Variants in CCSER1 observed in about 807,000 individuals in gnomAD.
CCSER1 encodes the protein serine-rich coiled-coil domain-containing protein 1.
CCSER1 carries 41 observed loss-of-function variants against 82.0 expected under a neutral mutation model. The observed-to-expected ratio is 0.50, with a 90% CI of 0.39 to 0.65. The LOEUF (loss-of-function observed/expected upper bound fraction) is 0.65. CCSER1 is among the 30% of genes least tolerant of loss of function. CCSER1 has a pLI of 0.00. For missense variants in CCSER1, 1,119 were observed against 1,064.2 expected (o/e 1.05, Z -0.72); for synonymous variants, 414 against 383.9 (o/e 1.08, Z -0.92).
At chr4:90,390,959 A>T (rs1750897132) in intron 3 of CCSER1, among the ~76,000 whole-genome samples, 1 of 151,764 alleles carries the variant, frequency 6.6e-6, no homozygotes, top group Admixed American at 6.6e-5. Flanking sequence ...TTGTTTTTTG[A>T]CTTTTTAATA....
At chr4:91,043,381 T>G (rs951101697) in intron 9 of CCSER1, among the ~76,000 whole-genome samples, 1 of 151,972 alleles carries the variant, frequency 6.6e-6, no homozygotes. Flanking sequence ...ATAATACAAA[T>G]TAAGCAGAAT....
intron 10 of CCSER1, among the ~76,000 whole-genome samples, chr4:91,331,027 T>C (rs1221881572): frequency 6.6e-6 from 1 of 152,082 alleles, no homozygotes; most frequent in African/African-American, 2.4e-5. Flanking sequence ...GGAAAAACCA[T>C]AGTGTGTGTA....
In CCSER1 at chr4:91,011,948, C is replaced by T. The variant is rs918332028; in HGVS notation, c.2173-74002C>T. The stretch of plus-strand genomic sequence containing the variant: ...GAGGTGGGTGTTTCTGCAGCTTAGA[C>T]TCTAGGGAGATAATACAGCTCCAGG... On this transcript the variant is annotated intron_variant, in intron 9 of 10. Transcript: ENST00000509176. Among the ~76,000 whole-genome samples the T allele has an allele frequency of 1.5e-5, 2 of 134,906 alleles. 1 individual carries two copies. Among genetic ancestry groups the T allele is most frequent in the Non-Finnish European group, 3.5e-5 (2 of 57,940 alleles). 88.5% of individuals were successfully genotyped at this position (134,906 alleles called of 152,430 possible).
At chr4:90,393,187 C>T (rs1751459345) in intron 3 of CCSER1, among the ~76,000 whole-genome samples, 1 of 152,106 alleles carries the variant, frequency 6.6e-6, no homozygotes, top group Non-Finnish European at 1.5e-5. Context: ...AGGACACTTA[C>T]CTAATTAGTT....
chr4:90,837,249 T>C (rs1270803778), intron 8 of CCSER1, among the ~76,000 whole-genome samples: 1 of 152,168 alleles, frequency 6.6e-6, no homozygotes, highest in East Asian at 1.9e-4. Flanking sequence ...TAAGTATATA[T>C]CTTTTTAACA....
intron 10 of CCSER1, among the ~76,000 whole-genome samples, chr4:91,574,086 A>G (rs1763322889): frequency 6.6e-6 from 1 of 152,108 alleles, no homozygotes; most frequent in South Asian, 2.1e-4. Context: ...CCTACTACCC[A>G]AAGTGATCTA....
intron 10 of CCSER1, among the ~76,000 whole-genome samples, chr4:91,385,041 ATTTGTGCATTTATC>A (rs1751193662): frequency 6.6e-6 from 1 of 152,060 alleles, no homozygotes; most frequent in African/African-American, 2.4e-5. Flanking sequence ...AAGAAAAACT[ATTTGTGCATTTATC>A]TTTGACTCCA....
At chr4:91,381,706 G>T (rs1219068952) in intron 10 of CCSER1, among the ~76,000 whole-genome samples, 1 of 152,120 alleles carries the variant, frequency 6.6e-6, no homozygotes, top group Non-Finnish European at 1.5e-5. Flanking sequence ...CCTTTGCTCG[G>T]AGAAGTTTGA....
At chr4:91,144,848 T>TA (rs1186396103) in intron 10 of CCSER1, among the ~76,000 whole-genome samples, 7 of 152,094 alleles carry the variant, frequency 4.6e-5, no homozygotes, top group Admixed American at 4.6e-4. Flanking sequence ...TTTTGATTTT[T>TA]AAAAAATTTG....
At chr4:91,587,158 G>T (rs1020629068) in intron 10 of CCSER1, among the ~76,000 whole-genome samples, 1 of 151,668 alleles carries the variant, frequency 6.6e-6, no homozygotes. Flanking sequence ...ATTTCTTAGA[G>T]AATTCATTTG....
At chr4:91,498,707 G>A (rs1759058195) in intron 10 of CCSER1, among the ~76,000 whole-genome samples, 1 of 151,534 alleles carries the variant, frequency 6.6e-6, no homozygotes, top group Non-Finnish European at 1.5e-5. Context: ...ATGGCACATG[G>A]CACACTATCC....
At chr4:90,714,639 C>A (rs988861480) in intron 6 of CCSER1, among the ~76,000 whole-genome samples, 1 of 151,836 alleles carries the variant, frequency 6.6e-6, no homozygotes, top group Non-Finnish European at 1.5e-5. Context: ...TATATAGCAC[C>A]TTGGGGGAAT....
At chr4:90,902,222 A>G (rs758454712) in intron 8 of CCSER1, among the ~76,000 whole-genome samples, 31 of 151,460 alleles carry the variant, frequency 2.0e-4, no homozygotes, top group Non-Finnish European at 4.1e-4. Flanking sequence ...TTTGTGCTGA[A>G]TTTTAACTTT....
intron 9 of CCSER1, among the ~76,000 whole-genome samples, chr4:91,036,449 T>C (rs1036211035): frequency 1.3e-5 from 2 of 152,146 alleles, no homozygotes; most frequent in Non-Finnish European, 2.9e-5. Context: ...AAAGTAGAAC[T>C]CCAGACTCCT....
At chr4:90,313,090 C>A in intron 3 of CCSER1, 43 bp downstream of exon 3, 3 of 1,421,958 alleles carry the variant, frequency 2.1e-6, no homozygotes, top group South Asian at 2.4e-5. Context: ...ATAATGCTGT[C>A]TATATCCGAC....
chr4:91,422,933 T>C (rs1483122081), intron 10 of CCSER1, among the ~76,000 whole-genome samples: 2 of 152,086 alleles, frequency 1.3e-5, no homozygotes, highest in Non-Finnish European at 2.9e-5. Context: ...TTTTAACATA[T>C]AAGATTTTCA....
chr4:90,175,125 A>T (rs1012390568), intron 1 of CCSER1, among the ~76,000 whole-genome samples: 1 of 152,010 alleles, frequency 6.6e-6, no homozygotes, highest in East Asian at 1.9e-4. Context: ...CAACAGGTGG[A>T]TGGGTAAATA....
intron 9 of CCSER1, among the ~76,000 whole-genome samples, chr4:90,940,557 T>A (rs1731472457): frequency 6.6e-6 from 1 of 152,116 alleles, no homozygotes; most frequent in South Asian, 2.1e-4. Flanking sequence ...TTGTTTTTGT[T>A]TTTAGAAAAA....
chr4:90,475,029 G>A (rs1046395135), intron 5 of CCSER1, among the ~76,000 whole-genome samples: 4 of 151,974 alleles, frequency 2.6e-5, no homozygotes, highest in African/African-American at 9.7e-5. Context: ...TATTATATCA[G>A]TTGAACTATA....
Sources: gnomAD v4.1 joint callset for allele counts (sites outside exome capture counted in the v4.1 genomes callset) on GRCh38, gnomAD v4.1.1 for gene constraint, MANE v1.5 for transcripts, NCBI Gene and HGNC (gene_info 2026-07-23, HGNC 2026-07-21) for gene names.